CPEB3: variants seen among roughly 807,000 people sequenced by gnomAD.
CPEB3 encodes cytoplasmic polyadenylation element binding protein 3.
A neutral mutation model predicts 67.2 loss-of-function variants in CPEB3; 20 were observed. That is an observed-to-expected ratio of 0.30 (90% CI 0.21 to 0.43). The LOEUF is 0.43. Ranked by LOEUF, CPEB3 falls within the 20% of genes least tolerant of loss-of-function variation. CPEB3 has a pLI of 1.00. For synonymous variants in CPEB3, 376 were observed against 393.1 expected (o/e 0.96, Z 0.51); for missense variants, 746 against 968.6 (o/e 0.77, Z 3.05).
chr10:92,281,666 A>C (rs1156511845), intron 1 of CPEB3, among the ~76,000 whole-genome samples: 2 of 152,220 alleles, frequency 1.3e-5, no homozygotes, highest in African/African-American at 4.8e-5. Context: ...CCACTTTATC[A>C]TATAGATTGT....
intron 4 of CPEB3, among the ~76,000 whole-genome samples, chr10:92,175,364 C>T (rs986785010): frequency 6.6e-6 from 1 of 151,800 alleles, no homozygotes; most frequent in Non-Finnish European, 1.5e-5. Flanking sequence ...TATGGATGTA[C>T]CACAATTTGT....
At chr10:92,194,780 G>T (rs571173991) in intron 2 of CPEB3, among the ~76,000 whole-genome samples, 1 of 152,120 alleles carries the variant, frequency 6.6e-6, no homozygotes, top group South Asian at 2.1e-4. Context: ...GGTGGCTCAC[G>T]CCTGTAATCC....
intron 4 of CPEB3, among the ~76,000 whole-genome samples, chr10:92,167,946 A>T (rs1847823018): frequency 6.6e-6 from 1 of 152,064 alleles, no homozygotes; most frequent in African/African-American, 2.4e-5. Flanking sequence ...AACATTAAAG[A>T]TCACTGATCA....
chr10:92,094,065 G>C (rs1287980666), intron 7 of CPEB3, among the ~76,000 whole-genome samples: 1 of 151,482 alleles, frequency 6.6e-6, no homozygotes, highest in Non-Finnish European at 1.5e-5. Context: ...ATGTTGGCCA[G>C]GGTGGTCTCA....
chr10:92,234,913 C>T (rs377161196), intron 2 of CPEB3, among the ~76,000 whole-genome samples: 14 of 152,056 alleles, frequency 9.2e-5, no homozygotes, highest in Admixed American at 3.3e-4. Context: ...CGACAGAGCA[C>T]GACTCCATCC....
intron 3 of CPEB3, among the ~76,000 whole-genome samples, chr10:92,181,824 C>A (rs1011105717): frequency 4.6e-5 from 7 of 152,200 alleles, no homozygotes; most frequent in Admixed American, 1.3e-4. Flanking sequence ...TAGCACTTCA[C>A]AAAGTTTGCC....
intron 4 of CPEB3, among the ~76,000 whole-genome samples, chr10:92,171,026 A>G (rs552447728): frequency 6.6e-6 from 1 of 152,338 alleles, no homozygotes; most frequent in South Asian, 2.1e-4. Context: ...GAAGGTAAAC[A>G]AAATGGGTGC....
chr10:92,188,198 A>AAAAT (rs1013108137), intron 3 of CPEB3, among the ~76,000 whole-genome samples: 29 of 152,004 alleles, frequency 1.9e-4, no homozygotes, highest in African/African-American at 7.0e-4. Flanking sequence ...CCTGTCTCAA[A>AAAAT]AAATAAATAA....
chr10:92,239,793 G>GGGCTGCGCCTGTGGT lies in CPEB3; in HGVS notation c.543_557dup (p.Ala184_Gln188dup). ...TGGCGGGTGAGCGGCGCTGCTGCGGGGGCTGCGCCTGTGGTGGCTGCGCTG... is the reference window on the plus strand; with the variant it reads ...TGGCGGGTGAGCGGCGCTGCTGCGGGGGCTGCGCCTGTGGTGGCTGCGCCTGTGGTGGCTGCGCTG... On this transcript the variant is annotated inframe_insertion, in exon 2 of 10. Transcript: ENST00000265997. The surrounding 1 kb of genome is among the most constrained non-coding windows in gnomAD (Gnocchi z 6.0). 2.8e-6 allele frequency: 4 copies of GGGCTGCGCCTGTGGT among 1,409,940 alleles called. No homozygotes were observed. The highest frequency in any genetic ancestry group is 3.7e-6 in the Non-Finnish European group (4 of 1,088,660). 87.3% of individuals were successfully genotyped at this position (1,409,940 alleles called of 1,614,324 possible).
chr10:92,251,289 A>G (rs1852291745), intron 1 of CPEB3, among the ~76,000 whole-genome samples: 1 of 152,170 alleles, frequency 6.6e-6, no homozygotes, highest in Admixed American at 6.5e-5. Context: ...GGTAAGCAAC[A>G]CATGACTGTA....
intron 6 of CPEB3, among the ~76,000 whole-genome samples, chr10:92,115,656 G>A (rs1330060076): frequency 6.6e-6 from 1 of 152,030 alleles, no homozygotes; most frequent in African/African-American, 2.4e-5. Flanking sequence ...ACTATCCTGC[G>A]TTAAATTCTA....
intron 2 of CPEB3, among the ~76,000 whole-genome samples, chr10:92,230,152 C>T (rs1346289465): frequency 6.6e-6 from 1 of 152,146 alleles, no homozygotes; most frequent in Non-Finnish European, 1.5e-5. Flanking sequence ...AATGTTCATT[C>T]ATTCATTTAA....
intron 6 of CPEB3, among the ~76,000 whole-genome samples, chr10:92,116,252 TAAAAA>T (rs1208917572): frequency 4.1e-5 from 6 of 145,882 alleles, no homozygotes; most frequent in Admixed American, 2.0e-4. Flanking sequence ...CACCTTCCAG[TAAAAA>T]AAAAAAAAAA....
chr10:92,223,501 TC>T (rs1850796908), intron 2 of CPEB3, among the ~76,000 whole-genome samples: 1 of 150,504 alleles, frequency 6.6e-6, no homozygotes. Flanking sequence ...TCTAGACTCC[TC>T]CTTCTCTTTT....
intron 6 of CPEB3, chr10:92,137,723 G>A (rs937918418): frequency 9.8e-6 from 4 of 408,738 alleles, no homozygotes; most frequent in African/African-American, 6.3e-5. Context: ...GCTCGGCTGG[G>A]TGCAGTGGCT....
At chr10:92,056,899 A>G (rs1842132256) in intron 9 of CPEB3, among the ~76,000 whole-genome samples, 1 of 152,228 alleles carries the variant, frequency 6.6e-6, no homozygotes, top group Admixed American at 6.5e-5. Flanking sequence ...CCACAGAAGG[A>G]TAGGGCTCAG....
intron 7 of CPEB3, among the ~76,000 whole-genome samples, chr10:92,095,534 T>C (rs887264530): frequency 1.3e-5 from 2 of 150,820 alleles, no homozygotes; most frequent in East Asian, 1.9e-4. Flanking sequence ...ATCCATGTTC[T>C]ATCCTTCTGG....
intron 2 of CPEB3, among the ~76,000 whole-genome samples, chr10:92,214,674 T>C (rs972363005): frequency 6.6e-6 from 1 of 151,816 alleles, no homozygotes; most frequent in Non-Finnish European, 1.5e-5. Context: ...TTACTAGAGA[T>C]GAGGTTTCAC....
intron 9 of CPEB3, among the ~76,000 whole-genome samples, chr10:92,056,936 G>C (rs554942681): frequency 3.7e-4 from 56 of 152,326 alleles, no homozygotes; most frequent in African/African-American, 1.3e-3. Context: ...CCTTTTCCAG[G>C]CCCTACCTCC....
Sources: gnomAD v4.1 joint callset for allele counts (sites outside exome capture counted in the v4.1 genomes callset) on GRCh38, gnomAD v4.1.1 for gene constraint, Gnocchi (gnomAD v3.1) non-coding constraint, MANE v1.5 for transcripts, NCBI Gene and HGNC (gene_info 2026-07-23, HGNC 2026-07-21) for gene names.